The following ACAA2 variants were observed in gnomAD, a reference collection of about 807,000 sequenced individuals.
ACAA2 encodes acetyl-CoA acyltransferase 2.
Under a neutral mutation model 44.8 loss-of-function variants are expected in ACAA2, and 35 were observed. That is an observed-to-expected ratio of 0.78 (90% CI 0.60 to 1.04). ACAA2 has a LOEUF of 1.04. ACAA2 is among the 50% of genes least tolerant of loss of function. The pLI is 0.00. For synonymous variants in ACAA2, 142 were observed against 166.5 expected (o/e 0.85, Z 1.13); for missense variants, 468 against 482.6 (o/e 0.97, Z 0.28).
At chr18:49,803,370 A>G (rs2023579100) in intron 1 of ACAA2, among the ~76,000 whole-genome samples, 1 of 152,064 alleles carries the variant, frequency 6.6e-6, no homozygotes, top group East Asian at 1.9e-4. Context: ...TCTGTAAGCT[A>G]ATGCATGTAG....
At position 49,802,741 on chromosome 18, in the gene ACAA2, A is replaced by C. The variant is rs2023569350; in HGVS notation, c.129T>G (p.Ala43=). 2 of 1,614,034 alleles carry C rather than the reference A, an allele frequency of 1.2e-6. No homozygotes were observed. The highest frequency in any genetic ancestry group is 1.7e-6 in the Non-Finnish European group (2 of 1,180,032). The change falls in exon 2 of 10, where the codon GCT becomes GCG. Residue 43 remains alanine (A), a synonymous_variant. Transcript: ENST00000285093. ...SEFAAKAALS[A]GKVSPETVDS... Reference sequence around the variant, plus strand: ...CAACTGTTTCAGGTGAGACTTTGCCAGCAGACAAGGCAGCCTTGGCAGCAA... The same window carrying C: ...CAACTGTTTCAGGTGAGACTTTGCCCGCAGACAAGGCAGCCTTGGCAGCAA...
chr18:49,800,308 T>C (rs1044252883), intron 2 of ACAA2, among the ~76,000 whole-genome samples: 2 of 149,464 alleles, frequency 1.3e-5, no homozygotes, highest in African/African-American at 2.5e-5. Context: ...AGCCGCCCCG[T>C]CCGGGAGGTG....
In ACAA2 at chr18:49,797,373, C is replaced by G. The variant is rs545764263; in HGVS notation, c.312+93G>C. 1.5e-5 allele frequency: 18 copies of G among 1,198,358 alleles called. No homozygotes were observed. The South Asian group carries it at 2.4e-4, about 16-fold the overall frequency. 74.2% of individuals were successfully genotyped at this position (1,198,358 alleles called of 1,614,324 possible). ...CTTGACCTCCAGGGCTCAAGCAATC[C>G]TCCCTAAAGCTAAAGTGTTATATTG... is the stretch of plus-strand genomic sequence containing the variant. On this transcript the variant is annotated intron_variant, in intron 3 of 9. Coordinates refer to ENST00000285093, the MANE Select transcript of ACAA2 (RefSeq NM_006111.3).
chr18:49,799,627 C>T (rs566995542), intron 2 of ACAA2, among the ~76,000 whole-genome samples: 65 of 152,116 alleles, frequency 4.3e-4, no homozygotes, highest in South Asian at 8.3e-4. Flanking sequence ...AGCCTCTGCC[C>T]GGCTGCCACC....
chr18:49,797,974 T>A (rs2023484563), intron 2 of ACAA2, among the ~76,000 whole-genome samples: 1 of 152,202 alleles, frequency 6.6e-6, no homozygotes, highest in Admixed American at 6.5e-5. Flanking sequence ...ATTAAGTCCT[T>A]AATATAAGAC....
chr18:49,810,396 C>T lies in ACAA2; in HGVS notation c.16+3073G>A, dbSNP rs141294712. 1.1e-3 allele frequency among the ~76,000 whole-genome samples: 174 copies of T among 152,232 alleles called. 2 individuals are homozygous for T. Among genetic ancestry groups the T allele is most frequent in the African/African-American group, 4.1e-3 (170 of 41,550 alleles). The stretch of plus-strand genomic sequence containing the variant: ...CCCTCACTTCTCAGAAACAATAGAG[C>T]CTAATTTCATTTGTCTCTCTACAAA... On this transcript the variant is annotated intron_variant, in intron 1 of 9. Coordinates refer to ENST00000285093, the MANE Select transcript of ACAA2 (RefSeq NM_006111.3).
At chr18:49,803,071 C>G (rs1598800695) in intron 1 of ACAA2, 1 of 599,622 alleles carries the variant, frequency 1.7e-6, no homozygotes, top group Non-Finnish European at 3.0e-6. Context: ...GTACCAAGAA[C>G]TGCACTGCAT....
intron 4 of ACAA2, among the ~76,000 whole-genome samples, chr18:49,794,680 A>G (rs1387061854): frequency 6.6e-6 from 1 of 152,204 alleles, no homozygotes; most frequent in Non-Finnish European, 1.5e-5. Flanking sequence ...AACAGCTAAC[A>G]GGACTAGACG....
At chr18:49,809,619 G>A (rs560642775) in intron 1 of ACAA2, among the ~76,000 whole-genome samples, 22 of 152,322 alleles carry the variant, frequency 1.4e-4, no homozygotes, top group African/African-American at 5.3e-4. Flanking sequence ...AAAGAAGCCA[G>A]TCTGGAAAGG....
chr18:49,794,537 G>C, intron 4 of ACAA2, 110 bp from the exon 5 acceptor site: 1 of 890,592 alleles, frequency 1.1e-6, no homozygotes, highest in Non-Finnish European at 1.5e-6. Flanking sequence ...GTAAAATTAA[G>C]ACTTTCTGAT....
At position 49,785,126 on chromosome 18, in the gene ACAA2, T is replaced by C. The variant is rs939880776; in HGVS notation, c.1109+71A>G. ...AAGAATGAAAAATGTTGGAGTGTTCTGGGGAAGCCTAAATCCATGCATTTC... is the reference window on the plus strand; with the variant it reads ...AAGAATGAAAAATGTTGGAGTGTTCCGGGGAAGCCTAAATCCATGCATTTC... On this transcript the variant is annotated intron_variant, in intron 9 of 9. Coordinates refer to ENST00000285093, the MANE Select transcript of ACAA2 (RefSeq NM_006111.3). 5.8e-6 allele frequency: 9 copies of C among 1,549,818 alleles called. No homozygotes were observed. The African/African-American group carries it at 1.1e-4, about 19-fold the overall frequency.
chr18:49,808,115 G>T (rs1324471564), intron 1 of ACAA2, among the ~76,000 whole-genome samples: 2 of 152,134 alleles, frequency 1.3e-5, no homozygotes, highest in Non-Finnish European at 2.9e-5. Context: ...TGTCATTAGG[G>T]AATTGCAAAT....
chr18:49,797,361 G>T, intron 3 of ACAA2, 105 bp downstream of exon 3: 1 of 1,060,208 alleles, frequency 9.4e-7, no homozygotes, highest in Non-Finnish European at 1.3e-6. Context: ...GACCTCCAGG[G>T]CTCAAGCAAT....
chr18:49,789,263 T>C (rs999850652), intron 7 of ACAA2, among the ~76,000 whole-genome samples: 2 of 152,192 alleles, frequency 1.3e-5, no homozygotes, highest in African/African-American at 4.8e-5. Context: ...AGAACCACTA[T>C]TCTTGTAAGT....
intron 4 of ACAA2, among the ~76,000 whole-genome samples, chr18:49,795,355 T>G (rs1373833648): frequency 1.3e-5 from 2 of 152,204 alleles, no homozygotes; most frequent in African/African-American, 4.8e-5. Context: ...AAATCTATTC[T>G]GAGACTGTCC....
chr18:49,785,071 C>G (rs2023312214), intron 9 of ACAA2, 126 bp downstream of exon 9: 10 of 1,168,446 alleles, frequency 8.6e-6, no homozygotes, highest in Admixed American at 2.7e-5. Flanking sequence ...TAACTTGTTC[C>G]TGGTAACAGC....
rs1371237533 is a variant in ACAA2, at chr18:49,787,305, T to A, written c.940A>T (p.Met314Leu). ...LKKAGLSLKD[M>L]DLVEVNEAFA... is the part of the protein sequence containing the mutation. ...AAAACACTTACCTCTACCAAATCCA[T>A]GTCCTTAAGACTCAGTCCTGCTTTC... The change falls in exon 8 of 10, where the codon ATG becomes TTG. Residue 314 changes from methionine (M) to leucine (L), a missense_variant. Met to Leu is a conservative substitution (Grantham distance 15). Coordinates refer to ENST00000285093, the MANE Select transcript of ACAA2 (RefSeq NM_006111.3). The A allele has an allele frequency of 2.2e-6, 3 of 1,355,236 alleles. No homozygotes were observed. Among genetic ancestry groups the A allele is most frequent in the Non-Finnish European group, 2.0e-6 (2 of 1,020,964 alleles). 84.0% of individuals were successfully genotyped at this position (1,355,236 alleles called of 1,614,324 possible).
At position 49,795,746 on chromosome 18, in the gene ACAA2, A is replaced by T; in HGVS notation, c.429+19T>A. The T allele has an allele frequency of 6.8e-7, 1 of 1,472,626 alleles. No individual in the cohort carries two copies. The highest frequency in any genetic ancestry group is 9.3e-7 in the Non-Finnish European group (1 of 1,079,404). 91.2% of individuals were successfully genotyped at this position (1,472,626 alleles called of 1,614,324 possible). A position where few individuals can be genotyped will look rare whatever the true frequency, so the allele number is the denominator to read the frequency against. On this transcript the variant is annotated intron_variant, in intron 4 of 9. Coordinates refer to ENST00000285093, the MANE Select transcript of ACAA2 (RefSeq NM_006111.3). ...AATGCTAATAAGAACTAATTCTTTT[A>T]AATTTTTATGGTTCCAACCTTGATA... is the stretch of plus-strand genomic sequence containing the variant.
At chr18:49,789,604 G>A (rs567459839) in intron 7 of ACAA2, among the ~76,000 whole-genome samples, 1 of 152,260 alleles carries the variant, frequency 6.6e-6, no homozygotes, top group African/African-American at 2.4e-5. Flanking sequence ...AAGTTAAACT[G>A]AAAAAGGAGT....
Sources: allele counts gnomAD v4.1 joint callset (sites outside exome capture counted in the v4.1 genomes callset), GRCh38; gene constraint gnomAD v4.1.1; transcripts MANE v1.5; gene names NCBI Gene and HGNC (gene_info 2026-07-23, HGNC 2026-07-21).